Variants in PASD1 observed in about 807,000 individuals in gnomAD.
PASD1 encodes the protein PAS domain containing repressor 1.
Under a neutral mutation model 58.8 loss-of-function variants are expected in PASD1, and 13 were observed. The observed-to-expected ratio is 0.22, with a 90% CI of 0.14 to 0.35. The LOEUF (loss-of-function observed/expected upper bound fraction) is 0.35, where lower values mean the gene tolerates loss of function less well. Ranked by LOEUF, PASD1 falls within the 10% of genes least tolerant of loss-of-function variation. The probability of loss-of-function intolerance (pLI) is 1.00; values close to 1 mark genes in which losing one functional copy is unlikely to be tolerated. For synonymous variants in PASD1, 236 were observed against 216.7 expected, an observed-to-expected ratio of 1.09 and a Z score of -0.78; for missense variants, 734 against 568.3, an observed-to-expected ratio of 1.29 and a Z score of -2.96.
At chrX:151,600,687 A>G (rs1329610087) in intron 1 of PASD1, among the ~76,000 whole-genome samples, 2 of 110,836 alleles carry the variant, frequency 1.8e-5, no homozygotes, top group African/African-American at 6.6e-5. Context: ...TTTCTTTTCA[A>G]TGTAATGTTA....
intron 1 of PASD1, among the ~76,000 whole-genome samples, chrX:151,583,158 T>A (rs759489313): frequency 1.8e-5 from 2 of 111,698 alleles, no homozygotes; most frequent in Non-Finnish European, 3.8e-5. Flanking sequence ...GGCAGTACAC[T>A]ACAGCAAGTG....
intron 1 of PASD1, among the ~76,000 whole-genome samples, chrX:151,567,053 TAAATAAATAAATAAATAAATAAATAA>T (rs2012854771): frequency 1.2e-5 from 1 of 80,288 alleles, no homozygotes; most frequent in Non-Finnish European, 2.2e-5. Flanking sequence ...TCAAAATAAA[TAAATAAATAAATAAATAAATAAATAA>T]ATAAATAAAT....
chrX:151,581,256 A>T (rs1286173221), intron 1 of PASD1, among the ~76,000 whole-genome samples: 2 of 103,219 alleles, frequency 1.9e-5, no homozygotes, highest in Non-Finnish European at 3.9e-5. Flanking sequence ...AAAAAAAAGT[A>T]ACAGAACTGT....
rs763670072 is a variant in PASD1 at position 151,623,088 on chromosome X, C to A, written c.546+24C>A. ...AGGTGGGTATACTGTGTTTGTGCTT[C>A]CCCCGCTGTGGCGATGTGGGCTTCC... On this transcript the variant is annotated intron_variant, in intron 7 of 15. Coordinates refer to ENST00000370357, the MANE Select transcript of PASD1 (RefSeq NM_173493.3). The A allele has an allele frequency of 1.2e-5, 14 of 1,200,092 alleles. No homozygotes were observed. The Admixed American group carries it at 2.5e-4, about 21-fold the overall frequency.
At chrX:151,659,466 G>A (rs1276468063) in intron 9 of PASD1, among the ~76,000 whole-genome samples, 1 of 112,229 alleles carries the variant, frequency 8.9e-6, no homozygotes, top group Non-Finnish European at 1.9e-5. Context: ...TTAGTGTTAT[G>A]TATACTGTGT....
Position 151,672,266 on chromosome X carries a change from G to C in PASD1, c.1521G>C (p.Arg507Ser). ...REQLQQLREQ[R>S]KVQKQKKMQE... ...AGCTGCAACAGCTGAGAGAGCAAAGGAAGGTGCAGAAGCAGAAGAAGATGC... is the reference window on the plus strand; with the variant it reads ...AGCTGCAACAGCTGAGAGAGCAAAGCAAGGTGCAGAAGCAGAAGAAGATGC... Residue 507 changes from arginine (R) to serine (S), a missense_variant, in exon 14 of 16, where the codon AGG becomes AGC. Transcript: ENST00000370357. 4.3e-6 allele frequency: 5 copies of C among 1,167,738 alleles called. No individual in the cohort carries two copies. Among genetic ancestry groups the C allele is most frequent in the Non-Finnish European group, 5.7e-6 (5 of 873,209 alleles).
Position 151,676,138 on chromosome X carries a change from T to G in PASD1, c.2317T>G (p.Cys773Gly). 1 of 1,205,603 alleles carries G rather than the reference T, an allele frequency of 8.3e-7. No individual in the cohort carries two copies. Among genetic ancestry groups the G allele is most frequent in the Non-Finnish European group, 1.1e-6 (1 of 893,278 alleles). Reference sequence around the variant, plus strand: ...AGAGCAACGTGACTCAAATAAGCCGTGCTAACAGTACTTTCATGACCAGTG... The same window carrying G: ...AGAGCAACGTGACTCAAATAAGCCGGGCTAACAGTACTTTCATGACCAGTG... ...PAEQRDSNKP[C>G] Residue 773 changes from cysteine to glycine, a missense_variant, in exon 16 of 16, where the codon TGC becomes GGC. By Grantham distance (159) the Cys-to-Gly change is radical (BLOSUM62 -3). Transcript: ENST00000370357.
At chrX:151,578,784 C>T (rs1488958787) in intron 1 of PASD1, among the ~76,000 whole-genome samples, 2 of 112,241 alleles carry the variant, frequency 1.8e-5, no homozygotes, top group Non-Finnish European at 3.8e-5. Context: ...ACTGAGTTCA[C>T]CTCGTTGGAG....
chrX:151,660,104 G>A (rs769621206), intron 10 of PASD1, among the ~76,000 whole-genome samples: 5 of 111,823 alleles, frequency 4.5e-5, no homozygotes, highest in Non-Finnish European at 9.4e-5. Context: ...AAGGAATAGC[G>A]TTTTATCTTT....
intron 1 of PASD1, among the ~76,000 whole-genome samples, chrX:151,566,106 A>G (rs924814582): frequency 8.9e-6 from 1 of 112,512 alleles, no homozygotes; most frequent in African/African-American, 3.2e-5. Context: ...TTCAACACAT[A>G]TTCAGAAGTT....
At chrX:151,664,701 A>G (rs1399503720) in intron 11 of PASD1, among the ~76,000 whole-genome samples, 3 of 112,155 alleles carry the variant, frequency 2.7e-5, no homozygotes, top group African/African-American at 9.7e-5. Context: ...ATCACCTGTG[A>G]GAGCATGCTA....
intron 9 of PASD1, among the ~76,000 whole-genome samples, chrX:151,653,729 T>C (rs1256559044): frequency 5.4e-5 from 5 of 92,013 alleles, no homozygotes; most frequent in African/African-American, 7.7e-5. Context: ...TCCTTCCTTC[T>C]CTCTCTCTCT....
chrX:151,592,494 A>C (rs1214307934), intron 1 of PASD1, among the ~76,000 whole-genome samples: 3 of 112,189 alleles, frequency 2.7e-5, no homozygotes, highest in Admixed American at 9.5e-5. Flanking sequence ...CTTGATGGAA[A>C]TATATACCAT....
intron 1 of PASD1, among the ~76,000 whole-genome samples, chrX:151,595,758 CA>C (rs1310645976): frequency 9.0e-6 from 1 of 110,615 alleles, no homozygotes; most frequent in Non-Finnish European, 1.9e-5. Context: ...AACATGTGTG[CA>C]GATTTCTGGA....
In PASD1 at chrX:151,664,160, C is replaced by G. The variant is rs754995359; in HGVS notation, c.883C>G (p.Pro295Ala). 3 of 1,210,791 alleles carry G rather than the reference C, an allele frequency of 2.5e-6. No homozygotes were observed. Among genetic ancestry groups the G allele is most frequent in the Admixed American group, 2.2e-5 (1 of 45,893 alleles). Residue 295 changes from proline (P) to alanine (A), a missense_variant, in exon 11 of 16, where the codon CCA becomes GCA. Physicochemically the swap from Pro to Ala is conservative, Grantham distance 27 (BLOSUM62 -1). Transcript: ENST00000370357. Reference sequence around the variant, plus strand: ...CTTTCGAGGTGAGCCTGAGGTGAATCCATTGTACAGGGCAGACCCAGTGGA... The same window carrying G: ...CTTTCGAGGTGAGCCTGAGGTGAATGCATTGTACAGGGCAGACCCAGTGGA... ...QDFRGEPEVNPLYRADPVDLE... is the reference protein window; with the variant it reads ...QDFRGEPEVNALYRADPVDLE...
chrX:151,656,586 T>C (rs1270103147), intron 9 of PASD1, among the ~76,000 whole-genome samples: 1 of 111,382 alleles, frequency 9.0e-6, no homozygotes, highest in Non-Finnish European at 1.9e-5. Context: ...CCCTTGTAAA[T>C]TGGATTCCTA....
At chrX:151,603,767 G>C (rs1452906658) in intron 2 of PASD1, among the ~76,000 whole-genome samples, 2 of 111,196 alleles carry the variant, frequency 1.8e-5, no homozygotes, top group Non-Finnish European at 3.8e-5. Flanking sequence ...TTTATGCATG[G>C]CCTCCCTCTT....
intron 9 of PASD1, among the ~76,000 whole-genome samples, chrX:151,651,826 C>G (rs2014131942): frequency 8.9e-6 from 1 of 111,944 alleles, no homozygotes; most frequent in Non-Finnish European, 1.9e-5. Flanking sequence ...CAGAGTCTTG[C>G]TATTGAATAA....
In PASD1 at chrX:151,600,109, C is replaced by T. The variant is rs1012371580; in HGVS notation, c.-27-1418C>T. 1.1e-4 allele frequency among the ~76,000 whole-genome samples: 12 copies of T among 112,039 alleles called. 1 individual carries two copies. In the South Asian group the frequency reaches 2.3e-3, roughly 21 times the overall value. ...GAAACCCCGTCTCCACCAAAAAATA[C>T]GAAAACCAGTCAGGCGTGGCGGCGT... On this transcript the variant is annotated intron_variant, in intron 1 of 15. Coordinates refer to ENST00000370357, the MANE Select transcript of PASD1 (RefSeq NM_173493.3).
Sources: gnomAD v4.1 joint callset for allele counts (sites outside exome capture counted in the v4.1 genomes callset) on GRCh38, gnomAD v4.1.1 for gene constraint, MANE v1.5 for transcripts, NCBI Gene and HGNC (gene_info 2026-07-23, HGNC 2026-07-21) for gene names.